The following CAST variants were observed in gnomAD, a reference collection of about 807,000 sequenced individuals.
CAST encodes the protein MIR583 host.
CAST carries 76 observed loss-of-function variants against 119.6 expected under a neutral mutation model. That is an observed-to-expected ratio of 0.64 (90% CI 0.53 to 0.77). CAST has a LOEUF of 0.77. CAST is among the 30% of genes least tolerant of loss of function. The pLI is 0.00. For synonymous variants in CAST, 319 were observed against 331.6 expected, an observed-to-expected ratio of 0.96 and a Z score of 0.41; for missense variants, 953 against 946.5, an observed-to-expected ratio of 1.01 and a Z score of -0.09.
chr5:96,286,452 A>G, the CAST span, among the ~76,000 whole-genome samples: 43 of 152,328 alleles, frequency 2.8e-4, no homozygotes, highest in Middle Eastern at 3.4e-3. Context: ...ACAAATGTTA[A>G]AAGAATCAAT....
intron 1 of CAST, among the ~76,000 whole-genome samples, chr5:96,651,075 A>G (rs1001347519): frequency 6.6e-6 from 1 of 152,184 alleles, no homozygotes; most frequent in African/African-American, 2.4e-5. Context: ...AAATTGAACT[A>G]ATAAAACAAC....
chr5:96,543,566 G>T (rs1379306564), intron 1 of CAST, among the ~76,000 whole-genome samples: 1 of 152,050 alleles, frequency 6.6e-6, no homozygotes, highest in Non-Finnish European at 1.5e-5. Context: ...AATAAATAAA[G>T]TGTCTTTTAC....
chr5:96,117,167 AT>A, the CAST span, among the ~76,000 whole-genome samples: 4,417 of 151,062 alleles, frequency 0.029, 200 homozygotes, highest in African/African-American at 0.093. Flanking sequence ...CATTTTACCT[AT>A]TTTTTTTTCT....
chr5:96,748,476 A>G (rs201936282), intron 18 of CAST, 42 bp from the exon 19 acceptor site: 1 of 967,614 alleles, frequency 1.0e-6, no homozygotes, highest in Non-Finnish European at 1.6e-6. Context: ...TACAAAATAA[A>G]AAAGAGTCCC....
chr5:96,105,667 G>T, the CAST span, among the ~76,000 whole-genome samples: 2 of 152,290 alleles, frequency 1.3e-5, no homozygotes, highest in East Asian at 1.9e-4. Context: ...TTGCATCAAT[G>T]TTCATCAAGG....
the CAST span, among the ~76,000 whole-genome samples, chr5:96,368,684 T>C: frequency 6.6e-6 from 1 of 152,090 alleles, no homozygotes; most frequent in Non-Finnish European, 1.5e-5. Flanking sequence ...CTGGGATTCT[T>C]GTTTTCTCTC....
chr5:96,748,479 A>G, intron 18 of CAST, 39 bp from the exon 19 acceptor site: 1 of 985,454 alleles, frequency 1.0e-6, no homozygotes, highest in Non-Finnish European at 1.5e-6. Context: ...AAAATAAAAA[A>G]GAGTCCCCTT....
chr5:96,627,235 T>C (rs949957536), intron 1 of CAST, among the ~76,000 whole-genome samples: 1 of 152,164 alleles, frequency 6.6e-6, no homozygotes, highest in African/African-American at 2.4e-5. Context: ...TAGCACACAT[T>C]TCTTAACAGG....
the CAST span, among the ~76,000 whole-genome samples, chr5:96,328,056 G>A: frequency 6.6e-6 from 1 of 152,186 alleles, no homozygotes; most frequent in African/African-American, 2.4e-5. Context: ...GACACATGTA[G>A]CTTTGGTTGA....
the CAST span, among the ~76,000 whole-genome samples, chr5:96,329,799 T>C: frequency 2.0e-5 from 3 of 152,236 alleles, no homozygotes; most frequent in Non-Finnish European, 4.4e-5. Flanking sequence ...GAAGGATTTC[T>C]CCCTCACTAT....
intron 1 of CAST, among the ~76,000 whole-genome samples, chr5:96,618,268 T>C (rs896539382): frequency 3.3e-5 from 5 of 152,246 alleles, no homozygotes; most frequent in African/African-American, 1.2e-4. Flanking sequence ...TTAAAGATAA[T>C]GTAACAGAGC....
chr5:96,584,270 C>T (rs748350710), intron 1 of CAST, among the ~76,000 whole-genome samples: 1 of 152,162 alleles, frequency 6.6e-6, no homozygotes, highest in Non-Finnish European at 1.5e-5. Flanking sequence ...AACCTAACGC[C>T]GATGATGATC....
the CAST span, among the ~76,000 whole-genome samples, chr5:96,356,481 C>T: frequency 6.6e-6 from 1 of 152,146 alleles, no homozygotes; most frequent in Non-Finnish European, 1.5e-5. Context: ...ACATTTAAGT[C>T]TTTAATCCAT....
At chr5:96,737,630 G>C (rs1047740248) in intron 10 of CAST, among the ~76,000 whole-genome samples, 3 of 152,070 alleles carry the variant, frequency 2.0e-5, no homozygotes, top group African/African-American at 7.2e-5. Context: ...TGTGCTTCTT[G>C]CCTGAATGTG....
the CAST span, among the ~76,000 whole-genome samples, chr5:96,266,859 T>C: frequency 1.3e-4 from 20 of 152,200 alleles, no homozygotes; most frequent in Non-Finnish European, 2.2e-4. Context: ...GATGGCAATA[T>C]ATGAACTCTT....
chr5:96,358,807 G>A, the CAST span, among the ~76,000 whole-genome samples: 1 of 152,150 alleles, frequency 6.6e-6, no homozygotes, highest in Non-Finnish European at 1.5e-5. Context: ...TATATATTCT[G>A]TTGATCTGTA....
chr5:96,662,230 A>G, upstream of CAST: 2 of 577,080 alleles, frequency 3.5e-6, no homozygotes, highest in Non-Finnish European at 5.3e-6. Flanking sequence ...GCGGGCAGGA[A>G]GGGGAGGGCC....
chr5:96,455,737 G>A, the CAST span, among the ~76,000 whole-genome samples: 1 of 152,132 alleles, frequency 6.6e-6, no homozygotes, highest in African/African-American at 2.4e-5. Context: ...TCCTCACAGA[G>A]GCCTCCGTTG....
the CAST span, among the ~76,000 whole-genome samples, chr5:96,119,200 A>G: frequency 6.6e-6 from 1 of 152,162 alleles, no homozygotes; most frequent in Non-Finnish European, 1.5e-5. Context: ...AGGTCTGATC[A>G]CACCTTGAAG....
Sources: gnomAD v4.1 joint callset for allele counts (sites outside exome capture counted in the v4.1 genomes callset) on GRCh38, gnomAD v4.1.1 for gene constraint, MANE v1.5 for transcripts, NCBI Gene and HGNC (gene_info 2026-07-23, HGNC 2026-07-21) for gene names.